The following KMT2C variants were observed in gnomAD, a reference collection of about 807,000 sequenced individuals.
The protein encoded by KMT2C is lysine methyltransferase 2C.
In KMT2C, 88 loss-of-function variants were observed where a neutral mutation model predicts 507.9. The observed-to-expected ratio is 0.17, with a 90% CI of 0.15 to 0.21. KMT2C has a LOEUF of 0.21. KMT2C is among the 10% of genes least tolerant of loss of function. KMT2C has a pLI of 1.00. For synonymous variants in KMT2C, 2,049 were observed against 2,080.8 expected, an observed-to-expected ratio of 0.98 and a Z score of 0.42; for missense variants, 4,954 against 5,957.8, an observed-to-expected ratio of 0.83 and a Z score of 5.55.
chr7:152,418,257 C>A (rs1334546053), intron 1 of KMT2C, among the ~76,000 whole-genome samples: 1 of 151,846 alleles, frequency 6.6e-6, no homozygotes, highest in Non-Finnish European at 1.5e-5. Context: ...TATTTTTTAA[C>A]CTAATTATCC....
Position 152,176,784 on chromosome 7 carries a change from C to T in KMT2C, c.8669G>A (p.Ser2890Asn), listed in dbSNP as rs144267618. 4.3e-6 allele frequency: 7 copies of T among 1,614,164 alleles called. No individual in the cohort carries two copies. The highest frequency in any genetic ancestry group is 1.7e-6 in the Non-Finnish European group (2 of 1,180,034). ...KRTNRETAGP[S>N]ANVIQASTQL... Reference sequence around the variant, plus strand: ...AGTGGATGCCTGAATGACATTTGCACTGGGGCCAGCAGTTTCTCGATTGGT... The same window carrying T: ...AGTGGATGCCTGAATGACATTTGCATTGGGGCCAGCAGTTTCTCGATTGGT... The change falls in exon 38 of 59, where the codon AGT becomes AAT. Residue 2890 changes from serine to asparagine, a missense_variant. Physicochemically the swap from Ser to Asn is conservative, Grantham distance 46. Around this residue, in one of 29 missense-constraint regions of KMT2C, gnomAD observed 1,689 missense variants for 1,654.3 expected, o/e 1.02. Transcript: ENST00000262189.
At chr7:152,325,433 C>G (rs2096819146) in intron 3 of KMT2C, among the ~76,000 whole-genome samples, 1 of 151,402 alleles carries the variant, frequency 6.6e-6, no homozygotes, top group African/African-American at 2.4e-5. Flanking sequence ...CAGGCATGAG[C>G]CACCGCACCC....
intron 16 of KMT2C, among the ~76,000 whole-genome samples, chr7:152,234,279 G>A (rs2095214221): frequency 6.6e-6 from 1 of 152,060 alleles, no homozygotes; most frequent in Admixed American, 6.5e-5. Flanking sequence ...CTACCCAGGG[G>A]GCTGAGGCAG....
Position 152,177,472 on chromosome 7 carries a change from G to A in KMT2C, c.7981C>T (p.Pro2661Ser), listed in dbSNP as rs2129114868. ...TCAGACGGTACAGATGTTGACAAAGGAGCTTCTGAAAATTCACCACCTAGT... is the reference window on the plus strand; with the variant it reads ...TCAGACGGTACAGATGTTGACAAAGAAGCTTCTGAAAATTCACCACCTAGT... ...HPLGGEFSEA[P>S]LSTSVPSETT... The change falls in exon 38 of 59, where the codon CCT (proline) becomes TCT (serine). Residue 2661 changes from proline to serine, a missense_variant. Pro to Ser is a moderately conservative substitution (Grantham distance 74). This residue lies in a region of KMT2C where 1,689 missense variants were observed against 1,654.3 expected (regional missense o/e 1.02). Transcript: ENST00000262189. 2 of 1,614,156 alleles carry A rather than the reference G, an allele frequency of 1.2e-6. No individual in the cohort carries two copies. Among genetic ancestry groups the A allele is most frequent in the Non-Finnish European group, 1.7e-6 (2 of 1,180,028 alleles).
chr7:152,418,512 C>T (rs2097759486), intron 1 of KMT2C, among the ~76,000 whole-genome samples: 1 of 152,042 alleles, frequency 6.6e-6, no homozygotes, highest in Non-Finnish European at 1.5e-5. Flanking sequence ...CTCACTGCAA[C>T]CTCCACCTCC....
At chr7:152,215,273 G>C (rs1030831617) in intron 23 of KMT2C, among the ~76,000 whole-genome samples, 4 of 151,936 alleles carry the variant, frequency 2.6e-5, no homozygotes, top group Non-Finnish European at 4.4e-5. Flanking sequence ...CAGCACTTTG[G>C]GAGGCCGAGG....
At chr7:152,406,471 G>A (rs908696358) in intron 1 of KMT2C, among the ~76,000 whole-genome samples, 10 of 150,870 alleles carry the variant, frequency 6.6e-5, no homozygotes, top group East Asian at 3.9e-4. Flanking sequence ...ATCAAAAATG[G>A]CTAAAAGAAA....
intron 16 of KMT2C, among the ~76,000 whole-genome samples, chr7:152,231,422 C>T (rs1196333192): frequency 3.9e-5 from 6 of 152,410 alleles, no homozygotes; most frequent in Non-Finnish European, 7.3e-5. Context: ...AGTTGAAACA[C>T]AACAGGTTAT....
chr7:152,361,914 T>C (rs1457848692), intron 1 of KMT2C, among the ~76,000 whole-genome samples: 2 of 152,184 alleles, frequency 1.3e-5, no homozygotes, highest in Non-Finnish European at 2.9e-5. Context: ...AACATTATAG[T>C]TTGAAGCATT....
At chr7:152,311,264 GATT>G (rs1157514291) in intron 5 of KMT2C, among the ~76,000 whole-genome samples, 2 of 152,098 alleles carry the variant, frequency 1.3e-5, no homozygotes, top group Non-Finnish European at 2.9e-5. Flanking sequence ...ACGTATCAAT[GATT>G]ATTAACACTT....
At chr7:152,308,522 A>G (rs778620909) in intron 6 of KMT2C, among the ~76,000 whole-genome samples, 25 of 151,748 alleles carry the variant, frequency 1.6e-4, no homozygotes, top group Non-Finnish European at 3.1e-4. Context: ...CTAAATATAC[A>G]AAAATTAGCC....
rs1309443301 is a variant in KMT2C, at chr7:152,162,408, A to C, written c.11169T>G (p.Ala3723=). ...AKTEEIKLEK[A]ETESCPGQEE... ...CTTGGCCTGGGCAGGACTCTGTCTC[A>C]GCCTTTTCCAGTTTTATCTCTTCTG... The change falls in exon 43 of 59, where the codon GCT becomes GCG. Residue 3723 remains alanine, a synonymous_variant. Transcript: ENST00000262189. 6.2e-7 allele frequency: 1 copy of C among 1,614,232 alleles called. No homozygotes were observed. Among genetic ancestry groups the C allele is most frequent in the Non-Finnish European group, 8.5e-7 (1 of 1,180,042 alleles).
intron 28 of KMT2C, 63 bp downstream of exon 28, chr7:152,195,844 C>T (rs930707219): frequency 1.2e-5 from 10 of 828,202 alleles, no homozygotes; most frequent in Non-Finnish European, 1.8e-5. Flanking sequence ...ACTTGTTCCA[C>T]ACATCATACA....
chr7:152,422,576 A>G, intron 1 of KMT2C, among the ~76,000 whole-genome samples: 1 of 152,216 alleles, frequency 6.6e-6, no homozygotes, highest in African/African-American at 2.4e-5. Context: ...CTTCAGTATC[A>G]TAATTCTCAC....
intron 1 of KMT2C, among the ~76,000 whole-genome samples, chr7:152,379,568 G>A (rs1047726574): frequency 6.6e-6 from 1 of 151,448 alleles, no homozygotes; most frequent in Non-Finnish European, 1.5e-5. Flanking sequence ...ATGGACAAAG[G>A]AGCCAGGCGT....
intron 40 of KMT2C, 74 bp from the exon 41 acceptor site, chr7:152,169,323 G>T: frequency 5.0e-6 from 4 of 794,660 alleles, no homozygotes; most frequent in South Asian, 1.6e-5. Context: ...TTAAAAGAAA[G>T]AAAGAAAAAA....
At chr7:152,236,996 T>C (rs1199933484) in intron 15 of KMT2C, among the ~76,000 whole-genome samples, 1 of 152,136 alleles carries the variant, frequency 6.6e-6, no homozygotes, top group Non-Finnish European at 1.5e-5. Flanking sequence ...TATGGGAAAA[T>C]GTGTTAAATT....
At chr7:152,434,930 CAAAACTTAGGCAGGCCGTTCCCCGAAG>C (rs2097902386) in intron 1 of KMT2C, among the ~76,000 whole-genome samples, 1 of 152,106 alleles carries the variant, frequency 6.6e-6, no homozygotes, top group African/African-American at 2.4e-5. Flanking sequence ...GCTACGTCTC[CAAAACTTAGGCAGGCCGTTCCCCGAAG>C]CTGGGGGATC....
Position 152,435,731 on chromosome 7 carries a change from G to T in KMT2C, c.56C>A (p.Pro19His), listed in dbSNP as rs1043931017. ...CGGGGCCGGGGCTCCAGGCTCCTCG[G>T]GGGGTGGTGGCGGCGGCTGCGGCTG... Reference protein sequence around the residue: ...VEQPQPPPPPPEEPGAPAPSP... With the variant: ...VEQPQPPPPPHEEPGAPAPSP... Residue 19 changes from proline (P) to histidine (H), a missense_variant, in exon 1 of 59, where the codon CCC (proline) becomes CAC (histidine). Transcript: ENST00000262189. 4 of 1,530,134 alleles carry T rather than the reference G, an allele frequency of 2.6e-6. No homozygotes were observed. Among genetic ancestry groups the T allele is most frequent in the Non-Finnish European group, 3.5e-6 (4 of 1,138,096 alleles). 94.8% of individuals were successfully genotyped at this position (1,530,134 alleles called of 1,614,324 possible).
Sources: allele counts gnomAD v4.1 joint callset (sites outside exome capture counted in the v4.1 genomes callset), GRCh38; gene constraint gnomAD v4.1.1; regional missense constraint gnomAD v4.1.1; transcripts MANE v1.5; gene names NCBI Gene and HGNC (gene_info 2026-07-23, HGNC 2026-07-21).